Variants in PLCXD3 observed in about 807,000 individuals in gnomAD.
The protein encoded by PLCXD3 is PI-PLC X domain-containing protein 3.
A neutral mutation model predicts 25.5 loss-of-function variants in PLCXD3; 19 were observed. That is an observed-to-expected ratio of 0.75 (90% CI 0.52 to 1.09). The LOEUF (loss-of-function observed/expected upper bound fraction) is 1.09, where lower values mean the gene tolerates loss of function less well. Among genes scored for constraint, PLCXD3 ranks in the 50% least tolerant of loss-of-function variants. PLCXD3 has a pLI of 0.00. For missense variants in PLCXD3, 411 were observed against 388.1 expected (o/e 1.06, Z -0.50); for synonymous variants, 174 against 137.6 (o/e 1.26, Z -1.85).
At chr5:41,424,760 T>C (rs1561269507) in intron 1 of PLCXD3, among the ~76,000 whole-genome samples, 1 of 152,230 alleles carries the variant, frequency 6.6e-6, no homozygotes, top group Admixed American at 6.5e-5. Context: ...TTAGTATTTG[T>C]TGAGATTTGC....
chr5:41,471,689 C>T (rs73079775), intron 1 of PLCXD3, among the ~76,000 whole-genome samples: 1,692 of 152,332 alleles, frequency 0.011, 28 homozygotes, highest in African/African-American at 0.038. Context: ...TATTAGAACA[C>T]TGTAACTCTG....
At chr5:41,354,940 T>C (rs903591703) in intron 2 of PLCXD3, among the ~76,000 whole-genome samples, 1 of 152,222 alleles carries the variant, frequency 6.6e-6, no homozygotes, top group Admixed American at 6.5e-5. Flanking sequence ...TTTGCACTAA[T>C]TCCAAATGCC....
At chr5:41,385,118 T>C (rs1745597005) in intron 1 of PLCXD3, among the ~76,000 whole-genome samples, 1 of 152,136 alleles carries the variant, frequency 6.6e-6, no homozygotes, top group Non-Finnish European at 1.5e-5. Flanking sequence ...TTCTATTTGT[T>C]TGAATGTAAA....
At chr5:41,503,047 A>G (rs628092) in intron 1 of PLCXD3, among the ~76,000 whole-genome samples, 16,932 of 152,120 alleles carry the variant, frequency 0.11, 1,351 homozygotes, top group African/African-American at 0.23. Flanking sequence ...CTTCCCTCTA[A>G]GGCAGCTATG....
intron 1 of PLCXD3, among the ~76,000 whole-genome samples, chr5:41,433,693 A>T (rs1747169466): frequency 6.6e-6 from 1 of 152,248 alleles, no homozygotes; most frequent in African/African-American, 2.4e-5. Flanking sequence ...TAAAATGCTC[A>T]TTCTAAGAAT....
At chr5:41,481,787 C>T (rs1395560242) in intron 1 of PLCXD3, among the ~76,000 whole-genome samples, 1 of 152,198 alleles carries the variant, frequency 6.6e-6, no homozygotes, top group Admixed American at 6.5e-5. Flanking sequence ...TGGGATGAGC[C>T]CCTTAGCCAC....
At chr5:41,467,672 T>G (rs1748048717) in intron 1 of PLCXD3, among the ~76,000 whole-genome samples, 1 of 152,224 alleles carries the variant, frequency 6.6e-6, no homozygotes, top group African/African-American at 2.4e-5. Context: ...TGTTTTCTTC[T>G]GGTAGCTTTA....
At chr5:41,357,306 T>C (rs1181107639) in intron 2 of PLCXD3, among the ~76,000 whole-genome samples, 1 of 152,244 alleles carries the variant, frequency 6.6e-6, no homozygotes, top group Non-Finnish European at 1.5e-5. Flanking sequence ...ATACTGTATA[T>C]TGAATTTTTA....
intron 1 of PLCXD3, among the ~76,000 whole-genome samples, chr5:41,439,484 T>C (rs79927945): frequency 7.9e-5 from 12 of 151,874 alleles, no homozygotes; most frequent in Admixed American, 2.0e-4. Flanking sequence ...GTTTTTTTTT[T>C]CTCCATTGAG....
At chr5:41,498,268 A>G (rs1412147820) in intron 1 of PLCXD3, among the ~76,000 whole-genome samples, 4 of 151,560 alleles carry the variant, frequency 2.6e-5, no homozygotes, top group African/African-American at 4.8e-5. Context: ...GAAAAGATAA[A>G]CATAAGTGAC....
chr5:41,365,738 T>G (rs1473318111), intron 2 of PLCXD3, among the ~76,000 whole-genome samples: 1 of 152,154 alleles, frequency 6.6e-6, no homozygotes, highest in Non-Finnish European at 1.5e-5. Flanking sequence ...ATCAAGCGGA[T>G]TATATTACTT....
chr5:41,499,436 A>G (rs1748906516), intron 1 of PLCXD3, among the ~76,000 whole-genome samples: 1 of 151,758 alleles, frequency 6.6e-6, no homozygotes, highest in African/African-American at 2.4e-5. Flanking sequence ...AATAAACTTA[A>G]CAAAGGAGAC....
chr5:41,465,357 T>A (rs1442121303), intron 1 of PLCXD3, among the ~76,000 whole-genome samples: 1 of 99,550 alleles, frequency 1.0e-5, no homozygotes, highest in East Asian at 2.9e-4. Context: ...TCTTGTCTTT[T>A]TTTTTTTTTT....
At chr5:41,366,066 A>G (rs1460123770) in intron 2 of PLCXD3, among the ~76,000 whole-genome samples, 1 of 151,946 alleles carries the variant, frequency 6.6e-6, no homozygotes, top group South Asian at 2.1e-4. Context: ...TATATTAGGC[A>G]TATCTCCTAA....
intron 1 of PLCXD3, among the ~76,000 whole-genome samples, chr5:41,396,170 C>G (rs150410694): frequency 3.3e-5 from 5 of 152,158 alleles, no homozygotes; most frequent in African/African-American, 4.8e-5. Context: ...CCACCCAAAT[C>G]TTATGACAAA....
At chr5:41,444,651 C>A (rs1747455638) in intron 1 of PLCXD3, among the ~76,000 whole-genome samples, 1 of 152,104 alleles carries the variant, frequency 6.6e-6, no homozygotes, top group South Asian at 2.1e-4. Context: ...ACATTTTAAG[C>A]AGCAGTTTCA....
intron 1 of PLCXD3, among the ~76,000 whole-genome samples, chr5:41,506,464 A>G (rs1171427753): frequency 6.6e-6 from 1 of 152,202 alleles, no homozygotes; most frequent in Non-Finnish European, 1.5e-5. Flanking sequence ...TCACTTCTGT[A>G]TCACTATCCA....
rs1201800519 is a variant in PLCXD3, at chr5:41,447,641, C to G, written c.103+62783G>C. Among the ~76,000 whole-genome samples, 3 of 152,330 alleles carry G rather than the reference C, an allele frequency of 2.0e-5. No individual in the cohort carries two copies. In the East Asian group the frequency reaches 5.8e-4, roughly 29 times the overall value. On this transcript the variant is annotated intron_variant, in intron 1 of 2. Coordinates refer to ENST00000377801, the MANE Select transcript of PLCXD3 (RefSeq NM_001005473.3). Reference sequence around the variant, plus strand: ...CATGTGTGAGCCCCAGAGGATATTGCATTTAATTGCCAAGATTGGGACGGA... The same window carrying G: ...CATGTGTGAGCCCCAGAGGATATTGGATTTAATTGCCAAGATTGGGACGGA...
intron 2 of PLCXD3, among the ~76,000 whole-genome samples, chr5:41,370,930 T>A (rs923774569): frequency 1.3e-5 from 2 of 152,154 alleles, no homozygotes; most frequent in Non-Finnish European, 2.9e-5. Context: ...GTTCTTCTAT[T>A]TTTTTCCTGC....
Sources: allele counts gnomAD v4.1 joint callset (sites outside exome capture counted in the v4.1 genomes callset), GRCh38; gene constraint gnomAD v4.1.1; transcripts MANE v1.5; gene names NCBI Gene and HGNC (gene_info 2026-07-23, HGNC 2026-07-21).